Variants in WWOX observed in about 807,000 individuals in gnomAD.
The protein encoded by WWOX is WW domain-containing oxidoreductase.
In WWOX, 69 loss-of-function variants were observed where a neutral mutation model predicts 46.2. The ratio of observed to expected loss-of-function variants is 1.49; its 90% CI spans 1.23 to 1.82. WWOX has a LOEUF of 1.82. WWOX is among the 40% of genes most tolerant of loss of function. WWOX has a pLI of 0.00. For missense variants in WWOX, 919 were observed against 542.6 expected (o/e 1.69, Z -6.89); for synonymous variants, 359 against 202.6 (o/e 1.77, Z -6.56).
chr16:78,215,187 A>G (rs571318158), intron 5 of WWOX, among the ~76,000 whole-genome samples: 5 of 152,310 alleles, frequency 3.3e-5, no homozygotes, highest in African/African-American at 1.2e-4. Flanking sequence ...TTTCTTCCCC[A>G]TATCAAGCAC....
chr16:78,494,371 C>T (rs1395509604), intron 8 of WWOX, among the ~76,000 whole-genome samples: 1 of 152,176 alleles, frequency 6.6e-6, no homozygotes, highest in Non-Finnish European at 1.5e-5. Context: ...AGCCAAACCA[C>T]ACTGGAAGGT....
At chr16:78,681,546 CA>C (rs35341099) in intron 8 of WWOX, among the ~76,000 whole-genome samples, 3,985 of 141,490 alleles carry the variant, frequency 0.028, 93 homozygotes, top group Non-Finnish European at 0.03. Context: ...CCTCCATATA[CA>C]AAAAAAAAAA....
intron 8 of WWOX, among the ~76,000 whole-genome samples, chr16:78,947,762 C>T (rs1173662746): frequency 1.3e-5 from 2 of 152,170 alleles, no homozygotes; most frequent in African/African-American, 4.8e-5. Context: ...ACCATTTTCA[C>T]CTCTTGCCTC....
chr16:78,446,898 G>A (rs1042647283), intron 8 of WWOX, among the ~76,000 whole-genome samples: 3 of 151,854 alleles, frequency 2.0e-5, no homozygotes, highest in African/African-American at 7.3e-5. Flanking sequence ...TGACCTCAAG[G>A]GATCCACCTA....
chr16:78,462,988 C>G (rs186779828), intron 8 of WWOX, among the ~76,000 whole-genome samples: 2 of 152,364 alleles, frequency 1.3e-5, no homozygotes, highest in East Asian at 1.9e-4. Context: ...CCTCTGATCT[C>G]TCCTCTTTGC....
intron 8 of WWOX, among the ~76,000 whole-genome samples, chr16:78,874,389 C>T (rs920605134): frequency 3.3e-5 from 5 of 152,008 alleles, no homozygotes; most frequent in African/African-American, 9.7e-5. Flanking sequence ...GGAAAGCAGA[C>T]GCAGTTGCTA....
intron 8 of WWOX, among the ~76,000 whole-genome samples, chr16:78,920,788 G>C (rs1410080295): frequency 6.6e-6 from 1 of 152,142 alleles, no homozygotes; most frequent in Non-Finnish European, 1.5e-5. Context: ...ATTACGCTGA[G>C]CATGAAAATA....
At chr16:78,762,185 A>C (rs1368709301) in intron 8 of WWOX, among the ~76,000 whole-genome samples, 1 of 152,210 alleles carries the variant, frequency 6.6e-6, no homozygotes, top group African/African-American at 2.4e-5. Context: ...GATTTGACCA[A>C]AATCACAGAC....
intron 8 of WWOX, among the ~76,000 whole-genome samples, chr16:78,967,291 T>A (rs1410815149): frequency 2.6e-5 from 1 of 38,516 alleles, no homozygotes; most frequent in Non-Finnish European, 6.4e-5. Flanking sequence ...GAGGCCTTTT[T>A]TTTTTTTTTT....
chr16:78,720,461 A>C (rs1168444400), intron 8 of WWOX, among the ~76,000 whole-genome samples: 5 of 121,144 alleles, frequency 4.1e-5, no homozygotes, highest in Non-Finnish European at 8.5e-5. Context: ...TTGCAATGTT[A>C]TTTTTTTTTC....
chr16:78,444,305 G>T (rs1056273803), intron 8 of WWOX, among the ~76,000 whole-genome samples: 7 of 151,968 alleles, frequency 4.6e-5, no homozygotes, highest in Non-Finnish European at 8.8e-5. Context: ...CTGGTCCTCA[G>T]TTTTCTTATC....
At chr16:78,544,260 C>G (rs886962453) in intron 8 of WWOX, among the ~76,000 whole-genome samples, 5 of 152,186 alleles carry the variant, frequency 3.3e-5, no homozygotes, top group African/African-American at 1.2e-4. Context: ...CAGTAGATGT[C>G]TTTCACCAAG....
At chr16:79,120,266 C>T (rs1012687786) in intron 8 of WWOX, among the ~76,000 whole-genome samples, 19 of 152,174 alleles carry the variant, frequency 1.2e-4, no homozygotes, top group African/African-American at 4.6e-4. Context: ...AACAGACATT[C>T]AGGTACATAT....
chr16:78,661,547 C>T (rs1437129920), intron 8 of WWOX, among the ~76,000 whole-genome samples: 1 of 148,008 alleles, frequency 6.8e-6, no homozygotes, highest in African/African-American at 2.5e-5. Context: ...GCGGCATCTT[C>T]TTGTAAGGTG....
chr16:78,219,548 C>G (rs2036824701), intron 5 of WWOX, among the ~76,000 whole-genome samples: 1 of 152,124 alleles, frequency 6.6e-6, no homozygotes, highest in African/African-American at 2.4e-5. Flanking sequence ...GATTGAAAAA[C>G]TCTCAGAGCT....
At chr16:79,119,987 G>C (rs148651053) in intron 8 of WWOX, among the ~76,000 whole-genome samples, 17 of 152,186 alleles carry the variant, frequency 1.1e-4, no homozygotes, top group African/African-American at 4.1e-4. Flanking sequence ...CTACAGTCCA[G>C]TGTCAGTGGC....
In WWOX at chr16:78,226,589, A is replaced by C. The variant is rs181218794; in HGVS notation, c.516+62300A>C. ...TTCCTTCTTCTTCCTTTCTTCCTTT[A>C]TTTCTTTCTTCCTGTATTATTTTCT... On this transcript the variant is annotated intron_variant, in intron 5 of 8. Coordinates refer to ENST00000566780, the MANE Select transcript of WWOX (RefSeq NM_016373.4). Among the ~76,000 whole-genome samples, 75 of 130,868 alleles carry C rather than the reference A, an allele frequency of 5.7e-4. 1 individual carries two copies. The highest frequency in any genetic ancestry group is 3.8e-3 in the Admixed American group (45 of 11,826). 85.9% of individuals were successfully genotyped at this position (130,868 alleles called of 152,430 possible).
At chr16:78,553,027 C>G (rs1161375436) in intron 8 of WWOX, 1 of 152,182 alleles carries the variant, frequency 6.6e-6, no homozygotes, top group East Asian at 1.9e-4. Flanking sequence ...AACACAGGAA[C>G]AGAAAACCAA....
At chr16:78,379,700 A>T (rs1487416980) in intron 5 of WWOX, among the ~76,000 whole-genome samples, 1 of 152,194 alleles carries the variant, frequency 6.6e-6, no homozygotes, top group East Asian at 1.9e-4. Flanking sequence ...TATGGCGAGA[A>T]ATGGGATAGG....
Sources: gnomAD v4.1 joint callset for allele counts (sites outside exome capture counted in the v4.1 genomes callset) on GRCh38, gnomAD v4.1.1 for gene constraint, MANE v1.5 for transcripts, NCBI Gene and HGNC (gene_info 2026-07-23, HGNC 2026-07-21) for gene names.